The following HTR2A variants were observed in gnomAD, a reference collection of about 807,000 sequenced individuals.
HTR2A encodes 5-hydroxytryptamine receptor 2A.
HTR2A carries 14 observed loss-of-function variants against 31.0 expected under a neutral mutation model. That is an observed-to-expected ratio of 0.45 (90% confidence interval 0.30 to 0.71). The LOEUF is 0.71. Ranked by LOEUF, HTR2A falls within the 30% of genes least tolerant of loss-of-function variation. The pLI, the probability that HTR2A is intolerant of heterozygous loss-of-function variation, is 0.09. For synonymous variants in HTR2A, 209 were observed against 225.2 expected (o/e 0.93, Z 0.64); for missense variants, 442 against 573.3 (o/e 0.77, Z 2.34).
intron 3 of HTR2A, among the ~76,000 whole-genome samples, chr13:46,862,209 G>A (rs1950784571): frequency 6.6e-6 from 1 of 152,188 alleles, no homozygotes; most frequent in Non-Finnish European, 1.5e-5. Context: ...TCAGTACACA[G>A]CATATAGGAA....
chr13:46,835,729 G>A, intron 3 of HTR2A, 90 bp from the exon 4 acceptor site: 1 of 927,026 alleles, frequency 1.1e-6, no homozygotes, highest in East Asian at 2.5e-5. Context: ...CTATTGAAAA[G>A]ATTTTATATC....
At chr13:46,853,316 A>G (rs1031482373) in intron 3 of HTR2A, among the ~76,000 whole-genome samples, 3 of 152,008 alleles carry the variant, frequency 2.0e-5, no homozygotes, top group South Asian at 4.2e-4. Flanking sequence ...ATCTTGCTGG[A>G]CACCTCCATA....
intron 3 of HTR2A, among the ~76,000 whole-genome samples, chr13:46,891,480 T>A (rs1426093617): frequency 1.3e-5 from 2 of 152,244 alleles, no homozygotes; most frequent in East Asian, 3.8e-4. Context: ...TATAGTATTA[T>A]TGTGTTGGCT....
chr13:46,872,983 C>T (rs780471152), intron 3 of HTR2A, among the ~76,000 whole-genome samples: 7 of 152,210 alleles, frequency 4.6e-5, no homozygotes, highest in Non-Finnish European at 2.9e-5. Context: ...CTCCGCCTCC[C>T]GGTTCAAGTG....
rs376785944 is a variant in HTR2A, at chr13:46,868,072, A to G, written c.613+24318T>C. Among the ~76,000 whole-genome samples the G allele has an allele frequency of 3.9e-5, 6 of 152,366 alleles. No individual in the cohort carries two copies. In the East Asian group the frequency reaches 5.8e-4, roughly 15 times the overall value. On this transcript the variant is annotated intron_variant, in intron 3 of 3. Transcript: ENST00000542664. ...TTAGGCAACTGGAAATCTAGATAAT[A>G]TTGTGAATTTAATTGACCACTAATG...
chr13:46,873,152 CTTT>C (rs71077929), intron 3 of HTR2A, among the ~76,000 whole-genome samples: 2 of 145,700 alleles, frequency 1.4e-5, no homozygotes. Flanking sequence ...ATTTTACTTT[CTTT>C]TTTTTTTTTA....
chr13:46,842,503 T>A (rs1406643444), intron 3 of HTR2A, among the ~76,000 whole-genome samples: 1 of 152,038 alleles, frequency 6.6e-6, no homozygotes, highest in African/African-American at 2.4e-5. Context: ...GCGCACATAA[T>A]CTAGACCCAC....
intron 3 of HTR2A, among the ~76,000 whole-genome samples, chr13:46,844,859 G>A (rs894824405): frequency 3.9e-5 from 6 of 152,110 alleles, no homozygotes; most frequent in African/African-American, 1.4e-4. Flanking sequence ...TTTCATGCAA[G>A]GCTTTGGTGA....
chr13:46,852,979 T>C (rs1566304883), intron 3 of HTR2A, among the ~76,000 whole-genome samples: 1 of 151,796 alleles, frequency 6.6e-6, no homozygotes, highest in African/African-American at 2.4e-5. Context: ...CTTTTTTTTT[T>C]CCTATAAAGT....
At chr13:46,887,215 C>T (rs143999213) in intron 3 of HTR2A, among the ~76,000 whole-genome samples, 8 of 151,938 alleles carry the variant, frequency 5.3e-5, no homozygotes, top group East Asian at 3.9e-4. Flanking sequence ...GTCAGTAGAT[C>T]GAGACCATCC....
chr13:46,878,295 G>A (rs1187683157), intron 3 of HTR2A, among the ~76,000 whole-genome samples: 1 of 152,198 alleles, frequency 6.6e-6, no homozygotes, highest in Non-Finnish European at 1.5e-5. Context: ...TGCATGTGGA[G>A]CTTAGGAGGA....
chr13:46,845,068 T>G (rs182502188), intron 3 of HTR2A, among the ~76,000 whole-genome samples: 180 of 152,062 alleles, frequency 1.2e-3, no homozygotes, highest in African/African-American at 4.3e-3. Flanking sequence ...CTACAGAAAA[T>G]AGTACTGTGA....
At chr13:46,854,080 T>A (rs1950712551) in intron 3 of HTR2A, 1 of 152,180 alleles carries the variant, frequency 6.6e-6, no homozygotes, top group African/African-American at 2.4e-5. Flanking sequence ...ATCGGTAGCA[T>A]GGGTATTTTG....
rs1454969962 is a variant in HTR2A at position 46,832,421 on chromosome 13, T to G, written c.*2416A>C. ...CAGTATACACTTGAATAGATACTTA[T>G]GGAAGAAAAAAACACATACACATTT... On this transcript the variant is annotated 3_prime_UTR_variant, in exon 4 of 4. Coordinates refer to ENST00000542664, the MANE Select transcript of HTR2A (RefSeq NM_000621.5). 6.6e-6 allele frequency: 1 copy of G among 152,184 alleles called. No homozygotes were observed. Among genetic ancestry groups the G allele is most frequent in the Non-Finnish European group, 1.5e-5 (1 of 68,010 alleles). 9.4% of individuals were successfully genotyped at this position (152,184 alleles called of 1,614,324 possible).
intron 3 of HTR2A, among the ~76,000 whole-genome samples, chr13:46,874,627 C>T (rs1359120878): frequency 6.6e-6 from 1 of 152,218 alleles, no homozygotes; most frequent in Non-Finnish European, 1.5e-5. Context: ...TCTGTTTAAA[C>T]AGATGCAAAC....
intron 3 of HTR2A, among the ~76,000 whole-genome samples, chr13:46,845,639 A>T (rs1950635451): frequency 9.1e-6 from 1 of 109,698 alleles, no homozygotes; most frequent in African/African-American, 4.3e-5. Context: ...TTAATTCATC[A>T]CTCCAAAAAA....
intron 3 of HTR2A, among the ~76,000 whole-genome samples, chr13:46,886,863 G>A (rs1951010390): frequency 6.6e-6 from 1 of 152,188 alleles, no homozygotes; most frequent in African/African-American, 2.4e-5. Flanking sequence ...TATGAAACTT[G>A]AAGCTCAGAG....
chr13:46,864,540 A>C (rs758859002), intron 3 of HTR2A, among the ~76,000 whole-genome samples: 3 of 152,186 alleles, frequency 2.0e-5, no homozygotes, highest in Non-Finnish European at 2.9e-5. Context: ...GACGTAAAGG[A>C]GACAACACTT....
Position 46,894,144 on chromosome 13 carries a change from A to G in HTR2A, c.412+1351T>C, listed in dbSNP as rs554007252. Among the ~76,000 whole-genome samples the G allele has an allele frequency of 7.2e-5, 11 of 152,320 alleles. No individual in the cohort carries two copies. In the South Asian group the frequency reaches 1.7e-3, roughly 23 times the overall value. ...GGCATTTCCTTGTGGGAGAAGCCCC[A>G]TGCCCCACGCCCCGTGGGCTGGGGG... On this transcript the variant is annotated intron_variant, in intron 2 of 3. Transcript: ENST00000542664.
Sources: gnomAD v4.1 joint callset for allele counts (sites outside exome capture counted in the v4.1 genomes callset) on GRCh38, gnomAD v4.1.1 for gene constraint, MANE v1.5 for transcripts, NCBI Gene and HGNC (gene_info 2026-07-23, HGNC 2026-07-21) for gene names.